The following PLS3 variants were observed in gnomAD, a reference collection of about 807,000 sequenced individuals.
PLS3 encodes the protein plastin 3.
Under a neutral mutation model 46.5 loss-of-function variants are expected in PLS3, and 11 were observed. The ratio of observed to expected loss-of-function variants is 0.24; its 90% CI spans 0.15 to 0.39. The LOEUF (loss-of-function observed/expected upper bound fraction) is 0.39. Ranked by LOEUF, PLS3 falls within the 10% of genes least tolerant of loss-of-function variation. The probability of loss-of-function intolerance (pLI) is 1.00; values close to 1 mark genes in which losing one functional copy is unlikely to be tolerated. For missense variants in PLS3, 308 were observed against 461.8 expected (o/e 0.67, Z 3.05); for synonymous variants, 167 against 162.2 (o/e 1.03, Z -0.22).
At chrX:115,568,613 G>A (rs1466560141) in intron 1 of PLS3, among the ~76,000 whole-genome samples, 1 of 111,717 alleles carries the variant, frequency 9.0e-6, no homozygotes, top group Non-Finnish European at 1.9e-5. Context: ...ATTCTTGATC[G>A]AACATCATTT....
At chrX:115,567,718 T>A (rs1222147827) in intron 1 of PLS3, among the ~76,000 whole-genome samples, 1 of 102,078 alleles carries the variant, frequency 9.8e-6, no homozygotes, top group Admixed American at 1.1e-4. Context: ...TCTTTTTTTT[T>A]TTTTTTTTTT....
At chrX:115,562,041 G>A (rs1023803529) in intron 1 of PLS3, among the ~76,000 whole-genome samples, 1 of 110,447 alleles carries the variant, frequency 9.1e-6, no homozygotes, top group African/African-American at 3.3e-5. Flanking sequence ...TTGCGGCCCC[G>A]GGCGCGCGGT....
At chrX:115,607,345 A>G (rs1383206490) in intron 1 of PLS3, among the ~76,000 whole-genome samples, 3 of 111,391 alleles carry the variant, frequency 2.7e-5, no homozygotes, top group Non-Finnish European at 5.6e-5. Flanking sequence ...TCTTTCCCTC[A>G]TAGATCCTGA....
intron 5 of PLS3, among the ~76,000 whole-genome samples, chrX:115,630,866 CAT>C (rs1175951761): frequency 3.2e-4 from 29 of 89,488 alleles, no homozygotes; most frequent in African/African-American, 8.9e-4. Flanking sequence ...GTATATTATA[CAT>C]GTATATATGT....
rs895376353 is a variant in PLS3, at chrX:115,601,665, T to C, written c.-8-8578T>C. ...ATATATAAAAAGATAAAAAAAAAAC[T>C]TGTGGAGTAGGCCAGACATGAGGTG... is the stretch of plus-strand genomic sequence containing the variant. On this transcript the variant is annotated intron_variant, in intron 1 of 15. Transcript: ENST00000355899. 3.7e-5 allele frequency among the ~76,000 whole-genome samples: 4 copies of C among 109,217 alleles called. No individual in the cohort carries two copies. In the Admixed American group the frequency reaches 3.9e-4, roughly 11 times the overall value. The allele number at this position is 109,217 out of a possible 115,157, so 94.8% of individuals were successfully genotyped here.
intron 5 of PLS3, among the ~76,000 whole-genome samples, chrX:115,633,414 A>G (rs1205320140): frequency 1.8e-5 from 2 of 109,392 alleles, no homozygotes; most frequent in African/African-American, 6.7e-5. Context: ...CAGATGATCC[A>G]CCTGCCTTGG....
At chrX:115,602,399 C>T (rs1294365275) in intron 1 of PLS3, among the ~76,000 whole-genome samples, 1 of 111,796 alleles carries the variant, frequency 8.9e-6, no homozygotes, top group African/African-American at 3.2e-5. Flanking sequence ...AAACATGAGA[C>T]TGGAGCTTTA....
At chrX:115,604,943 C>T (rs782576419) in intron 1 of PLS3, among the ~76,000 whole-genome samples, 2 of 111,745 alleles carry the variant, frequency 1.8e-5, no homozygotes, top group South Asian at 7.5e-4. Context: ...TTTTTTAATT[C>T]ATAGTGGCAT....
intron 5 of PLS3, among the ~76,000 whole-genome samples, chrX:115,632,812 G>A (rs1226225713): frequency 9.3e-6 from 1 of 107,702 alleles, no homozygotes; most frequent in Non-Finnish European, 1.9e-5. Flanking sequence ...GCTCACTACC[G>A]CCATGACCTC....
intron 1 of PLS3, among the ~76,000 whole-genome samples, chrX:115,596,779 G>C (rs934099286): frequency 8.1e-5 from 9 of 110,770 alleles, no homozygotes; most frequent in African/African-American, 3.0e-4. Context: ...GGAGGTTGCA[G>C]TGAGCTGAGA....
At chrX:115,562,546 G>C (rs1430196411) in intron 1 of PLS3, 2 of 111,785 alleles carry the variant, frequency 1.8e-5, no homozygotes, top group African/African-American at 3.3e-5. Context: ...AAGAGGGATT[G>C]GGAGGAGGGA....
At position 115,650,381 on chromosome X, in the gene PLS3, C is replaced by G. The variant is rs1171844085; in HGVS notation, c.*820C>G. On this transcript the variant is annotated 3_prime_UTR_variant, in exon 16 of 16. Coordinates refer to ENST00000355899, the MANE Select transcript of PLS3 (RefSeq NM_005032.7). ...TAAAACCTGTATCATCAAACTCTCT[C>G]TCTAAATTTAAAATGCTGTTGAATA... 1 of 112,046 alleles carries G rather than the reference C, an allele frequency of 8.9e-6. No homozygotes were observed. The highest frequency in any genetic ancestry group is 2.8e-4 in the East Asian group (1 of 3,559). The allele number at this position is 112,046 out of a possible 1,213,427, so 9.2% of individuals were successfully genotyped here.
At chrX:115,565,930 A>C (rs782285859) in intron 1 of PLS3, among the ~76,000 whole-genome samples, 1 of 112,205 alleles carries the variant, frequency 8.9e-6, no homozygotes, top group East Asian at 2.8e-4. Flanking sequence ...AAAAGCATTG[A>C]GCATAGAATT....
chrX:115,634,798 T>C (rs2074813495), intron 6 of PLS3, 83 bp from the exon 7 acceptor site: 1 of 864,994 alleles, frequency 1.2e-6, no homozygotes, highest in Admixed American at 3.0e-5. Flanking sequence ...CCTCATTGAA[T>C]GTTATTTTCA....
chrX:115,571,356 A>G (rs1432434453), intron 1 of PLS3, among the ~76,000 whole-genome samples: 2 of 111,206 alleles, frequency 1.8e-5, no homozygotes, highest in Admixed American at 1.9e-4. Flanking sequence ...TGTCTCTACT[A>G]AATATACAAA....
In PLS3 at chrX:115,629,413, T is replaced by A. The variant is rs146211857; in HGVS notation, c.367+86T>A. ...TCAAGGACGGGCTCTAGAAAAACAT[T>A]ACCTTCTAATTAAGAATACAGTAGA... On this transcript the variant is annotated intron_variant, in intron 4 of 15. Transcript: ENST00000355899. 0.033 allele frequency: 26,238 copies of A among 791,918 alleles called. 412 individuals carry two copies. The highest frequency in any genetic ancestry group is 0.11 in the South Asian group (3,916 of 34,830). 65.3% of individuals were successfully genotyped at this position (791,918 alleles called of 1,213,427 possible).
At chrX:115,647,430 T>A (rs2147590349) in intron 13 of PLS3, 120 bp from the exon 14 acceptor site, 2 of 721,280 alleles carry the variant, frequency 2.8e-6, no homozygotes, top group Middle Eastern at 4.0e-4. Flanking sequence ...CGAGACTCCG[T>A]CTCAAAAAAA....
chrX:115,561,474 G>T (rs957158258), intron 1 of PLS3, among the ~76,000 whole-genome samples: 85 of 111,696 alleles, frequency 7.6e-4, no homozygotes, highest in African/African-American at 2.7e-3. Context: ...TGTGAGTGAC[G>T]GGGAGTTTCC....
At chrX:115,570,077 T>C (rs2074203258) in intron 1 of PLS3, among the ~76,000 whole-genome samples, 1 of 110,910 alleles carries the variant, frequency 9.0e-6, no homozygotes, top group Non-Finnish European at 1.9e-5. Context: ...GCTGGGATTA[T>C]AGGCTCCTGC....
Sources: gnomAD v4.1 joint callset for allele counts (sites outside exome capture counted in the v4.1 genomes callset) on GRCh38, gnomAD v4.1.1 for gene constraint, MANE v1.5 for transcripts, NCBI Gene and HGNC (gene_info 2026-07-23, HGNC 2026-07-21) for gene names.